Variants in OR1J2 observed in about 807,000 individuals in gnomAD.
OR1J2 encodes olfactory receptor 1J2.
For missense variants in OR1J2, 304 were observed against 246.1 expected, an observed-to-expected ratio of 1.24 and a Z score of -1.57; for synonymous variants, 142 against 99.7, an observed-to-expected ratio of 1.42 and a Z score of -2.52.
At chr9:122,517,825 G>T in the OR1J2 span, among the ~76,000 whole-genome samples, 29 of 152,140 alleles carry the variant, frequency 1.9e-4, no homozygotes, top group African/African-American at 6.7e-4. Context: ...CATCACCTAG[G>T]TATTAAGCCT....
At chr9:122,522,364 A>T in the OR1J2 span, among the ~76,000 whole-genome samples, 2 of 152,230 alleles carry the variant, frequency 1.3e-5, no homozygotes, top group East Asian at 3.8e-4. Flanking sequence ...GAATCAAAAC[A>T]TCCTAGAACC....
chr9:122,472,832 C>T, the OR1J2 span, among the ~76,000 whole-genome samples: 13,656 of 152,180 alleles, frequency 0.09, 793 homozygotes, highest in Admixed American at 0.16. Context: ...CTTTGTGCTG[C>T]CAACCTTAAA....
At chr9:122,486,476 C>A in the OR1J2 span, among the ~76,000 whole-genome samples, 12 of 152,138 alleles carry the variant, frequency 7.9e-5, no homozygotes, top group Non-Finnish European at 1.6e-4. Context: ...TCAAGAATTT[C>A]ATGAAGTAAA....
chr9:122,526,337 T>C, the OR1J2 span: 1 of 1,417,228 alleles, frequency 7.1e-7, no homozygotes, highest in East Asian at 2.3e-5. Context: ...GTCTTTTCAT[T>C]AAATGTTGCT....
chr9:122,565,445 A>G, the OR1J2 span, among the ~76,000 whole-genome samples: 1 of 152,214 alleles, frequency 6.6e-6, no homozygotes, highest in South Asian at 2.1e-4. Flanking sequence ...CAAAATGGCC[A>G]TGGCGGCAGG....
At chr9:122,457,405 C>G in the OR1J2 span, among the ~76,000 whole-genome samples, 1 of 152,126 alleles carries the variant, frequency 6.6e-6, no homozygotes. Flanking sequence ...AATCACTAAT[C>G]AAAGAAACTA....
At chr9:122,568,139 G>T in the OR1J2 span, 5 of 1,614,120 alleles carry the variant, frequency 3.1e-6, no homozygotes, top group Non-Finnish European at 4.2e-6. Flanking sequence ...CCAGAAGGCA[G>T]CTGTCACTGT....
chr9:122,542,752 G>A, the OR1J2 span, among the ~76,000 whole-genome samples: 14 of 152,234 alleles, frequency 9.2e-5, no homozygotes, highest in South Asian at 2.7e-3. Context: ...ATATACCTGT[G>A]CAAACTACCA....
At chr9:122,555,472 A>G in the OR1J2 span, among the ~76,000 whole-genome samples, 15 of 152,282 alleles carry the variant, frequency 9.9e-5, no homozygotes, top group South Asian at 2.1e-4. Context: ...TGCCAAGGCA[A>G]AGGTTGGGAA....
the OR1J2 span, chr9:122,553,236 C>T: frequency 6.2e-7 from 1 of 1,613,576 alleles, no homozygotes; most frequent in African/African-American, 1.3e-5. Context: ...CAGAGTGAAC[C>T]AAACCACTGT....
the OR1J2 span, among the ~76,000 whole-genome samples, chr9:122,476,027 TA>T: frequency 2.0e-5 from 3 of 152,234 alleles, no homozygotes. Context: ...CTGAGTTTTT[TA>T]AACTTACCTT....
At chr9:122,496,211 C>G in the OR1J2 span, among the ~76,000 whole-genome samples, 1 of 152,070 alleles carries the variant, frequency 6.6e-6, no homozygotes, top group Non-Finnish European at 1.5e-5. Flanking sequence ...AGCTGCAGTC[C>G]TATGGGGAGG....
the OR1J2 span, among the ~76,000 whole-genome samples, chr9:122,488,603 A>G: frequency 6.6e-6 from 1 of 152,272 alleles, no homozygotes; most frequent in African/African-American, 2.4e-5. Flanking sequence ...ACACATAATA[A>G]TAGTTGGAAC....
chr9:122,532,961 A>T, the OR1J2 span, among the ~76,000 whole-genome samples: 1 of 152,076 alleles, frequency 6.6e-6, no homozygotes, highest in Non-Finnish European at 1.5e-5. Context: ...GATGAGGATG[A>T]AATTTGGGCT....
chr9:122,489,406 G>A, the OR1J2 span, among the ~76,000 whole-genome samples: 1 of 152,076 alleles, frequency 6.6e-6, no homozygotes, highest in African/African-American at 2.4e-5. Context: ...CCACCAGACT[G>A]GGAAGAAACA....
the OR1J2 span, among the ~76,000 whole-genome samples, chr9:122,454,505 G>A: frequency 1.3e-5 from 2 of 151,660 alleles, no homozygotes; most frequent in South Asian, 4.2e-4. Flanking sequence ...GTGACAGAGT[G>A]AGACTCGATC....
At chr9:122,550,655 AT>A in the OR1J2 span, among the ~76,000 whole-genome samples, 201 of 152,282 alleles carry the variant, frequency 1.3e-3, no homozygotes, top group African/African-American at 4.7e-3. Context: ...AAACCTTATA[AT>A]CATCTCAATA....
At chr9:122,574,530 T>C in the OR1J2 span, among the ~76,000 whole-genome samples, 1 of 152,192 alleles carries the variant, frequency 6.6e-6, no homozygotes. Flanking sequence ...GGCTTTTGTA[T>C]ATTAATCCTG....
the OR1J2 span, among the ~76,000 whole-genome samples, chr9:122,546,988 A>G: frequency 3.9e-5 from 6 of 152,122 alleles, no homozygotes; most frequent in African/African-American, 1.4e-4. Context: ...ACTTGAAACT[A>G]TGTAATGTAT....
Sources: allele counts gnomAD v4.1 joint callset (sites outside exome capture counted in the v4.1 genomes callset), GRCh38; gene constraint gnomAD v4.1.1; transcripts MANE v1.5; gene names NCBI Gene and HGNC (gene_info 2026-07-23, HGNC 2026-07-21).